Variants in CATSPER3 observed in about 807,000 individuals in gnomAD.
CATSPER3 encodes cation channel sperm-associated protein 3.
A neutral mutation model predicts 36.6 loss-of-function variants in CATSPER3; 23 were observed. The observed-to-expected ratio is 0.63, with a 90% CI of 0.45 to 0.89. CATSPER3 has a LOEUF of 0.89. CATSPER3 is among the 40% of genes least tolerant of loss of function. The pLI, the probability that CATSPER3 is intolerant of heterozygous loss-of-function variation, is 0.00. For synonymous variants in CATSPER3, 172 were observed against 184.1 expected (o/e 0.93, Z 0.53); for missense variants, 474 against 503.9 (o/e 0.94, Z 0.57).
chr5:134,977,047 G>A (rs1222680905), intron 2 of CATSPER3, among the ~76,000 whole-genome samples: 1 of 152,206 alleles, frequency 6.6e-6, no homozygotes, highest in East Asian at 1.9e-4. Context: ...GAGAGGGGCT[G>A]CCTTGATCTC....
intron 2 of CATSPER3, among the ~76,000 whole-genome samples, chr5:134,979,059 C>G (rs1751716901): frequency 6.6e-6 from 1 of 152,142 alleles, no homozygotes; most frequent in African/African-American, 2.4e-5. Context: ...CCACTCCCCT[C>G]CCCAGCATGG....
At chr5:134,986,138 A>G (rs1751805671) in intron 2 of CATSPER3, among the ~76,000 whole-genome samples, 2 of 149,662 alleles carry the variant, frequency 1.3e-5, no homozygotes, top group Admixed American at 1.3e-4. Flanking sequence ...TAAATTAAAC[A>G]GCATACTCTT....
Position 134,980,365 on chromosome 5 carries a change from C to T in CATSPER3, c.252+10273C>T, listed in dbSNP as rs538514949. Among the ~76,000 whole-genome samples the T allele has an allele frequency of 9.0e-5, 13 of 145,226 alleles. No individual in the cohort carries two copies. In the East Asian group the frequency reaches 2.3e-3, roughly 26 times the overall value. ...TCCCTCCTCCCTCCCTCCCTCCTCT[C>T]TTCCTTCCTTCCCTCCCTCCTTCCC... On this transcript the variant is annotated intron_variant, in intron 2 of 7. Coordinates refer to ENST00000282611, the MANE Select transcript of CATSPER3 (RefSeq NM_178019.3).
At chr5:134,993,851 G>A (rs187537138) in intron 2 of CATSPER3, among the ~76,000 whole-genome samples, 1 of 152,300 alleles carries the variant, frequency 6.6e-6, no homozygotes, top group East Asian at 1.9e-4. Context: ...CTGTCCAGGC[G>A]CAGTGGCTCA....
intron 2 of CATSPER3, among the ~76,000 whole-genome samples, chr5:134,984,856 C>G (rs922091524): frequency 6.7e-6 from 1 of 149,614 alleles, no homozygotes; most frequent in African/African-American, 2.5e-5. Context: ...GGCTCTGTTG[C>G]CCAGACTGGA....
chr5:135,000,159 G>A (rs912043237), intron 3 of CATSPER3, among the ~76,000 whole-genome samples: 2 of 152,174 alleles, frequency 1.3e-5, no homozygotes, highest in Non-Finnish European at 2.9e-5. Flanking sequence ...TACATCTGTT[G>A]AGATAATCAC....
chr5:134,979,329 G>T (rs1580904225), intron 2 of CATSPER3, among the ~76,000 whole-genome samples: 1 of 152,094 alleles, frequency 6.6e-6, no homozygotes, highest in South Asian at 2.1e-4. Flanking sequence ...TAGAGATGGG[G>T]TCTCGCTATG....
In CATSPER3 at chr5:134,996,391, T is replaced by A; in HGVS notation, c.371T>A (p.Val124Asp). The A allele has an allele frequency of 1.2e-6, 2 of 1,614,230 alleles. No homozygotes were observed. Among genetic ancestry groups the A allele is most frequent in the Non-Finnish European group, 1.7e-6 (2 of 1,180,042 alleles). The change falls in exon 3 of 8, where the codon GTT becomes GAT. Residue 124 changes from valine to aspartate, a missense_variant. Transcript: ENST00000282611. ...YNLLDVIIII[V>D]MFLPYALRQL... ...CTGCTGGATGTGATCATTATCATCGTTATGTTTTTACCCTATGCCCTCCGC... is the reference window on the plus strand; with the variant it reads ...CTGCTGGATGTGATCATTATCATCGATATGTTTTTACCCTATGCCCTCCGC...
intron 3 of CATSPER3, among the ~76,000 whole-genome samples, chr5:135,006,991 CAGCCCAGGGCTCT>C (rs1752097108): frequency 6.6e-6 from 1 of 152,160 alleles, no homozygotes; most frequent in Non-Finnish European, 1.5e-5. Context: ...GCATGGAGGG[CAGCCCAGGGCTCT>C]TGGACTGCCT....
intron 2 of CATSPER3, among the ~76,000 whole-genome samples, chr5:134,992,180 T>C (rs1278450568): frequency 6.6e-6 from 1 of 151,374 alleles, no homozygotes; most frequent in Non-Finnish European, 1.5e-5. Flanking sequence ...TTGCAAATTA[T>C]ATATCTGATA....
chr5:135,009,029 TG>T (rs771708722), intron 5 of CATSPER3, 48 bp downstream of exon 5: 7 of 1,613,154 alleles, frequency 4.3e-6, no homozygotes, highest in African/African-American at 2.7e-5. Flanking sequence ...GTGTGGCAGA[TG>T]GAGCTGTAGG....
chr5:134,991,060 A>T (rs1278756427), intron 2 of CATSPER3, among the ~76,000 whole-genome samples: 1 of 152,210 alleles, frequency 6.6e-6, no homozygotes, highest in East Asian at 1.9e-4. Context: ...ATCCAAAAGG[A>T]TAAAATACCT....
chr5:134,990,478 G>A (rs1187511296), intron 2 of CATSPER3, among the ~76,000 whole-genome samples: 1 of 152,200 alleles, frequency 6.6e-6, no homozygotes, highest in East Asian at 1.9e-4. Context: ...AATAGAATGA[G>A]AGGTAGGTTT....
intron 3 of CATSPER3, among the ~76,000 whole-genome samples, chr5:135,005,926 C>G (rs948002836): frequency 5.3e-5 from 8 of 152,218 alleles, no homozygotes; most frequent in African/African-American, 1.7e-4. Flanking sequence ...GGCCTGGGCA[C>G]CTGCCTTGCC....
chr5:135,000,608 G>A (rs1752008721), intron 3 of CATSPER3, among the ~76,000 whole-genome samples: 1 of 152,110 alleles, frequency 6.6e-6, no homozygotes, highest in Admixed American at 6.5e-5. Flanking sequence ...GCCTGTTATT[G>A]GTCTATTCAG....
chr5:134,973,863 G>T (rs957833103), intron 2 of CATSPER3, among the ~76,000 whole-genome samples: 1 of 152,154 alleles, frequency 6.6e-6, no homozygotes, highest in Non-Finnish European at 1.5e-5. Flanking sequence ...TCCACTTTTG[G>T]AGGATGATAA....
chr5:134,980,557 A>C (rs1303410022), intron 2 of CATSPER3, among the ~76,000 whole-genome samples: 1 of 150,238 alleles, frequency 6.7e-6, no homozygotes, highest in Non-Finnish European at 1.5e-5. Flanking sequence ...CAGCCTCCCG[A>C]GTAGCTGGGA....
intron 2 of CATSPER3, 89 bp from the exon 3 acceptor site, chr5:134,996,184 A>C (rs1381021613): frequency 2.6e-6 from 4 of 1,557,142 alleles, no homozygotes; most frequent in Non-Finnish European, 3.5e-6. Flanking sequence ...ACTTAGGAGC[A>C]CCCCTTCCGG....
intron 6 of CATSPER3, 33 bp from the exon 7 acceptor site, chr5:135,010,340 A>G (rs1487053281): frequency 2.5e-6 from 4 of 1,606,268 alleles, no homozygotes; most frequent in East Asian, 2.2e-5. Flanking sequence ...TCACCTCCTC[A>G]TCACTGCTCT....
Sources: allele counts gnomAD v4.1 joint callset (sites outside exome capture counted in the v4.1 genomes callset), GRCh38; gene constraint gnomAD v4.1.1; transcripts MANE v1.5; gene names NCBI Gene and HGNC (gene_info 2026-07-23, HGNC 2026-07-21).